Variants in SLC36A1 observed in about 807,000 individuals in gnomAD.
The protein encoded by SLC36A1 is proton-coupled amino acid transporter 1.
SLC36A1 carries 30 observed loss-of-function variants against 47.5 expected under a neutral mutation model. The observed-to-expected ratio is 0.63, with a 90% CI of 0.47 to 0.86. The LOEUF (loss-of-function observed/expected upper bound fraction) is 0.86, where lower values mean the gene tolerates loss of function less well. Ranked by LOEUF, SLC36A1 falls within the 40% of genes least tolerant of loss-of-function variation. The pLI, the probability that SLC36A1 is intolerant of heterozygous loss-of-function variation, is 0.00. For missense variants in SLC36A1, 517 were observed against 606.0 expected, an observed-to-expected ratio of 0.85 and a Z score of 1.54; for synonymous variants, 255 against 249.7, an observed-to-expected ratio of 1.02 and a Z score of -0.20.
At chr5:151,542,545 T>C in the SLC36A1 span, 13 of 1,614,102 alleles carry the variant, frequency 8.1e-6, no homozygotes, top group African/African-American at 2.7e-5. Flanking sequence ...GTCAAGTTCC[T>C]GGAGTGTGGT....
the SLC36A1 span, among the ~76,000 whole-genome samples, chr5:151,363,703 G>A: frequency 6.6e-6 from 1 of 152,000 alleles, no homozygotes; most frequent in Non-Finnish European, 1.5e-5. Context: ...ACTTTTTCTT[G>A]GAATGTCATG....
At chr5:151,463,819 T>G (rs1755945775) in intron 3 of SLC36A1, among the ~76,000 whole-genome samples, 176 bp downstream of exon 3, 1 of 152,260 alleles carries the variant, frequency 6.6e-6, no homozygotes, top group African/African-American at 2.4e-5. Flanking sequence ...TTGAGAGTGT[T>G]CTGTGCGTTA....
chr5:151,463,575 C>T lies in SLC36A1; in HGVS notation c.166C>T (p.Leu56=). The part of the protein sequence containing the change: ...STTWFQTLIH[L]LKGNIGTGLL... ...CAGATGGTTCCAGACCTTGATCCAC[C>T]TGTTAAAAGGCAACATTGGCACAGG... is the stretch of plus-strand genomic sequence containing the variant. The change falls in exon 3 of 11, where the codon CTG becomes TTG. Residue 56 remains leucine (L), a synonymous_variant. Coordinates refer to ENST00000243389, the MANE Select transcript of SLC36A1 (RefSeq NM_078483.4). 6.2e-7 allele frequency: 1 copy of T among 1,614,084 alleles called. No individual in the cohort carries two copies. The highest frequency in any genetic ancestry group is 8.5e-7 in the Non-Finnish European group (1 of 1,179,956).
chr5:151,528,093 A>T, the SLC36A1 span: 1 of 1,614,186 alleles, frequency 6.2e-7, no homozygotes, highest in Non-Finnish European at 8.5e-7. Flanking sequence ...GCTATAGGTA[A>T]TGTCACTATT....
the SLC36A1 span, chr5:151,512,080 T>G: frequency 2.0e-5 from 26 of 1,333,302 alleles, no homozygotes; most frequent in Non-Finnish European, 2.5e-5. This position sits in a 1 kb window ranked among gnomAD's most constrained non-coding sequence, Gnocchi z 4.1. Context: ...CAGGAGGCTC[T>G]GAGATCTCCA....
chr5:151,433,700 C>T (rs954404768), upstream of SLC36A1, among the ~76,000 whole-genome samples: 1 of 152,042 alleles, frequency 6.6e-6, no homozygotes, highest in African/African-American at 2.4e-5. Flanking sequence ...AACTCTGAGA[C>T]CTGAGTGGAA....
the SLC36A1 span, chr5:151,527,325 A>T: frequency 3.1e-6 from 5 of 1,613,566 alleles, no homozygotes; most frequent in African/African-American, 6.7e-5. Flanking sequence ...GTCCTCATGC[A>T]GTGGAGGCTG....
the SLC36A1 span, among the ~76,000 whole-genome samples, chr5:151,377,608 A>G: frequency 6.6e-6 from 1 of 150,992 alleles, no homozygotes; most frequent in Non-Finnish European, 1.5e-5. Context: ...CGGCCTCCCA[A>G]AGTGCTGGGA....
upstream of SLC36A1, chr5:151,436,964 G>A (rs1486580374): frequency 6.6e-6 from 1 of 152,116 alleles, no homozygotes; most frequent in Non-Finnish European, 1.5e-5. Flanking sequence ...TCTCATCTGA[G>A]CACTCCCAGG....
intron 5 of SLC36A1, among the ~76,000 whole-genome samples, chr5:151,466,273 G>T (rs910882208): frequency 6.6e-6 from 1 of 152,094 alleles, no homozygotes; most frequent in Non-Finnish European, 1.5e-5. Context: ...ATCAAGATAG[G>T]ACATAAAGTA....
At chr5:151,554,301 CAAAG>C in the SLC36A1 span, 6 of 1,498,124 alleles carry the variant, frequency 4.0e-6, no homozygotes, top group Admixed American at 7.7e-5. Context: ...CCTGAATTCT[CAAAG>C]AAGGCCACTA....
chr5:151,451,645 T>C (rs1753677711), intron 1 of SLC36A1, among the ~76,000 whole-genome samples: 1 of 152,224 alleles, frequency 6.6e-6, no homozygotes, highest in South Asian at 2.1e-4. Context: ...CTAACATTTA[T>C]TTATTTTTTC....
chr5:151,430,628 A>T, the SLC36A1 span, among the ~76,000 whole-genome samples: 2 of 152,056 alleles, frequency 1.3e-5, no homozygotes, highest in African/African-American at 4.8e-5. Context: ...CTGTCCGTAG[A>T]ATTAGCTAAC....
At chr5:151,450,662 A>T (rs1018360284) in intron 1 of SLC36A1, among the ~76,000 whole-genome samples, 4 of 152,234 alleles carry the variant, frequency 2.6e-5, no homozygotes, top group African/African-American at 9.7e-5. Flanking sequence ...GTCTCAGGTA[A>T]CTATTCTCAT....
At chr5:151,396,353 G>A in the SLC36A1 span, among the ~76,000 whole-genome samples, 3 of 151,748 alleles carry the variant, frequency 2.0e-5, no homozygotes, top group Non-Finnish European at 1.5e-5. Flanking sequence ...CACCCGTCTC[G>A]GCCTGCCAAA....
At chr5:151,434,064 C>A (rs2127434888), upstream of SLC36A1, among the ~76,000 whole-genome samples, 1 of 152,204 alleles carries the variant, frequency 6.6e-6, no homozygotes, top group East Asian at 1.9e-4. Flanking sequence ...AGAACCTAGA[C>A]TGATAGTTGC....
chr5:151,488,476 G>A lies in SLC36A1; in HGVS notation c.*222G>A, dbSNP rs546877271. 15 of 594,570 alleles carry A rather than the reference G, an allele frequency of 2.5e-5. No individual in the cohort carries two copies. The highest frequency in any genetic ancestry group is 4.5e-4 in the Middle Eastern group (1 of 2,212). 36.8% of individuals were successfully genotyped at this position (594,570 alleles called of 1,614,324 possible). A position where few individuals can be genotyped will look rare whatever the true frequency, so the allele number is the denominator to read the frequency against. ...TGCTACTAGTGACAGGGCTGCCATC[G>A]CTCACCTGTACCTATTTACACCCAG... On this transcript the variant is annotated 3_prime_UTR_variant, in exon 11 of 11. Coordinates refer to ENST00000243389, the MANE Select transcript of SLC36A1 (RefSeq NM_078483.4).
the SLC36A1 span, among the ~76,000 whole-genome samples, chr5:151,375,030 A>G: frequency 6.6e-6 from 1 of 151,052 alleles, no homozygotes; most frequent in Non-Finnish European, 1.5e-5. Flanking sequence ...TTTGTTAATT[A>G]TTATTTTGCT....
chr5:151,549,479 C>T, the SLC36A1 span: 2 of 1,614,190 alleles, frequency 1.2e-6, no homozygotes, highest in East Asian at 2.2e-5. Context: ...CGAAGTTCCT[C>T]TTGATAGGTA....
Sources: gnomAD v4.1 joint callset for allele counts (sites outside exome capture counted in the v4.1 genomes callset) on GRCh38, gnomAD v4.1.1 for gene constraint, Gnocchi (gnomAD v3.1) non-coding constraint, MANE v1.5 for transcripts, NCBI Gene and HGNC (gene_info 2026-07-23, HGNC 2026-07-21) for gene names.